FAM135B: variants seen among roughly 807,000 people sequenced by gnomAD.
FAM135B encodes family with sequence similarity 135 member B.
In FAM135B, 43 loss-of-function variants were observed where a neutral mutation model predicts 127.7. The ratio of observed to expected loss-of-function variants is 0.34; its 90% CI spans 0.26 to 0.43. The LOEUF (loss-of-function observed/expected upper bound fraction) is 0.43. Among genes scored for constraint, FAM135B ranks in the 20% least tolerant of loss-of-function variants. The pLI, the probability that FAM135B is intolerant of heterozygous loss-of-function variation, is 1.00. For synonymous variants in FAM135B, 670 were observed against 665.1 expected (o/e 1.01, Z -0.11); for missense variants, 1,558 against 1,725.6 (o/e 0.90, Z 1.72).
intron 1 of FAM135B, among the ~76,000 whole-genome samples, chr8:138,447,167 G>C (rs1239737921): frequency 6.6e-6 from 1 of 152,130 alleles, no homozygotes; most frequent in Non-Finnish European, 1.5e-5. Flanking sequence ...AGGTGCTGGA[G>C]AGGATGTTGA....
chr8:138,156,674 C>T (rs543761988), intron 12 of FAM135B, among the ~76,000 whole-genome samples: 52 of 152,212 alleles, frequency 3.4e-4, no homozygotes, highest in East Asian at 1.2e-3. Context: ...AACACCTCTA[C>T]GCAAATAAAC....
At chr8:138,136,630 C>T (rs921929535) in intron 19 of FAM135B, among the ~76,000 whole-genome samples, 2 of 152,238 alleles carry the variant, frequency 1.3e-5, no homozygotes, top group East Asian at 1.9e-4. Flanking sequence ...AAGGAAACCA[C>T]AAATGCCAGC....
At chr8:138,294,667 C>G (rs538578129) in intron 3 of FAM135B, among the ~76,000 whole-genome samples, 1 of 152,126 alleles carries the variant, frequency 6.6e-6, no homozygotes, top group Non-Finnish European at 1.5e-5. Context: ...CAATCCATAA[C>G]ATTAAAAAGA....
chr8:138,484,431 G>A (rs1814909089), intron 1 of FAM135B, among the ~76,000 whole-genome samples: 1 of 152,176 alleles, frequency 6.6e-6, no homozygotes, highest in African/African-American at 2.4e-5. Context: ...CAGCCGGGAA[G>A]GAATAAGTTT....
intron 3 of FAM135B, among the ~76,000 whole-genome samples, chr8:138,284,748 C>T (rs57502730): frequency 0.02 from 3,013 of 152,094 alleles, 67 homozygotes; most frequent in East Asian, 0.077. Context: ...ATCTCCTTAA[C>T]GTGGTCAGAC....
At chr8:138,373,773 CTGTA>C (rs1331100075) in intron 1 of FAM135B, among the ~76,000 whole-genome samples, 2 of 152,056 alleles carry the variant, frequency 1.3e-5, no homozygotes, top group African/African-American at 4.8e-5. Context: ...ATGGTCGAGA[CTGTA>C]TGTAGGGACG....
At chr8:138,222,054 GA>G (rs1286074599) in intron 7 of FAM135B, among the ~76,000 whole-genome samples, 4 of 152,188 alleles carry the variant, frequency 2.6e-5, no homozygotes, top group African/African-American at 9.7e-5. Context: ...CAAAGAGAAA[GA>G]AGATGATGTA....
At chr8:138,328,713 A>G (rs1827973625) in intron 2 of FAM135B, among the ~76,000 whole-genome samples, 1 of 152,194 alleles carries the variant, frequency 6.6e-6, no homozygotes, top group Non-Finnish European at 1.5e-5. Context: ...GTGAAATCAA[A>G]CAGAGCTAGG....
intron 1 of FAM135B, among the ~76,000 whole-genome samples, chr8:138,445,627 T>G (rs567412580): frequency 5.9e-5 from 9 of 152,246 alleles, no homozygotes; most frequent in African/African-American, 2.2e-4. Flanking sequence ...AAACTCTCAA[T>G]AAATTAGGTA....
chr8:138,387,084 T>C (rs1832263201), intron 1 of FAM135B, among the ~76,000 whole-genome samples: 1 of 152,186 alleles, frequency 6.6e-6, no homozygotes, highest in South Asian at 2.1e-4. Context: ...CCATTTAATC[T>C]GACATATGTA....
Position 138,191,002 on chromosome 8 carries a change from C to T in FAM135B, c.873+4256G>A, listed in dbSNP as rs538104916. Among the ~76,000 whole-genome samples, 8 of 152,290 alleles carry T rather than the reference C, an allele frequency of 5.3e-5. No individual in the cohort carries two copies. In the East Asian group the frequency reaches 9.7e-4, roughly 18 times the overall value. The stretch of plus-strand genomic sequence containing the variant: ...AGCTATAGCCTGACCACCTTGGGCA[C>T]GTGTTCTCAGGATCTTCTGGGGCTG... On this transcript the variant is annotated intron_variant, in intron 9 of 19. Coordinates refer to ENST00000395297, the MANE Select transcript of FAM135B (RefSeq NM_015912.4).
At chr8:138,403,333 G>T (rs768948603) in intron 1 of FAM135B, among the ~76,000 whole-genome samples, 1 of 151,954 alleles carries the variant, frequency 6.6e-6, no homozygotes, top group Non-Finnish European at 1.5e-5. Context: ...AACCAGCCCT[G>T]CAGGTAGACA....
At chr8:138,382,541 T>C (rs907361115) in intron 1 of FAM135B, among the ~76,000 whole-genome samples, 3 of 152,194 alleles carry the variant, frequency 2.0e-5, no homozygotes, top group Non-Finnish European at 4.4e-5. Context: ...CAAACTTTCA[T>C]GGCCACTAGT....
chr8:138,415,716 G>A (rs1051224820), intron 1 of FAM135B, among the ~76,000 whole-genome samples: 6 of 152,184 alleles, frequency 3.9e-5, no homozygotes, highest in African/African-American at 1.2e-4. Flanking sequence ...GTTAATTAGT[G>A]TGAAGAGCTA....
chr8:138,476,689 T>C (rs952765608), intron 1 of FAM135B, among the ~76,000 whole-genome samples: 1 of 152,174 alleles, frequency 6.6e-6, no homozygotes, highest in African/African-American at 2.4e-5. Flanking sequence ...ACTCCTTTCA[T>C]GCTTTTCATA....
intron 3 of FAM135B, among the ~76,000 whole-genome samples, chr8:138,305,348 C>T (rs1434435599): frequency 2.0e-5 from 3 of 152,226 alleles, no homozygotes; most frequent in African/African-American, 2.4e-5. Flanking sequence ...GAACAGACCC[C>T]GCTCCCAAGC....
At chr8:138,417,752 T>G (rs2131437286) in intron 1 of FAM135B, among the ~76,000 whole-genome samples, 1 of 152,258 alleles carries the variant, frequency 6.6e-6, no homozygotes, top group South Asian at 2.1e-4. Flanking sequence ...TTAAGCCAAT[T>G]AACTAAGCCC....
rs867284054 is a variant in FAM135B at position 138,153,004 on chromosome 8, G to C, written c.1471C>G (p.His491Asp). ...TGAGATTCAGAGCACATGTCCATAT[G>C]ATTTTGTGTGGCCACATTCTCACCT... ...EPGENVATQN[H>D]MDMCSESQVY... Residue 491 changes from histidine to aspartate, a missense_variant, in exon 13 of 20, where the codon CAT (histidine) becomes GAT (aspartate). Coordinates refer to ENST00000395297, the MANE Select transcript of FAM135B (RefSeq NM_015912.4). 1.2e-6 allele frequency: 2 copies of C among 1,614,186 alleles called. No individual in the cohort carries two copies. The highest frequency in any genetic ancestry group is 2.2e-5 in the South Asian group (2 of 91,084).
At chr8:138,373,077 A>G (rs1197020639) in intron 1 of FAM135B, among the ~76,000 whole-genome samples, 1 of 152,210 alleles carries the variant, frequency 6.6e-6, no homozygotes, top group Non-Finnish European at 1.5e-5. Context: ...AAAGAGGCAG[A>G]GGTTAGGCTA....
Sources: gnomAD v4.1 joint callset for allele counts (sites outside exome capture counted in the v4.1 genomes callset) on GRCh38, gnomAD v4.1.1 for gene constraint, MANE v1.5 for transcripts, NCBI Gene and HGNC (gene_info 2026-07-23, HGNC 2026-07-21) for gene names.